The following CCDC146 variants were observed in gnomAD, a reference collection of about 807,000 sequenced individuals.
The protein encoded by CCDC146 is coiled-coil domain containing 146.
A neutral mutation model predicts 119.3 loss-of-function variants in CCDC146; 92 were observed. The ratio of observed to expected loss-of-function variants is 0.77; its 90% CI spans 0.65 to 0.92. The LOEUF (loss-of-function observed/expected upper bound fraction) is 0.92, where lower values mean the gene tolerates loss of function less well. Among genes scored for constraint, CCDC146 ranks in the 40% least tolerant of loss-of-function variants. The pLI, the probability that CCDC146 is intolerant of heterozygous loss-of-function variation, is 0.00. For missense variants in CCDC146, 1,000 were observed against 1,103.0 expected, an observed-to-expected ratio of 0.91 and a Z score of 1.32; for synonymous variants, 372 against 371.8, an observed-to-expected ratio of 1.00 and a Z score of -0.01.
intron 4 of CCDC146, among the ~76,000 whole-genome samples, chr7:77,248,716 G>A (rs889761838): frequency 2.6e-5 from 4 of 152,076 alleles, no homozygotes; most frequent in African/African-American, 4.8e-5. Flanking sequence ...TTCAAAATAC[G>A]GTTATTGGAA....
intron 2 of CCDC146, among the ~76,000 whole-genome samples, chr7:77,175,516 A>G (rs990561905): frequency 2.0e-5 from 3 of 150,956 alleles, no homozygotes; most frequent in South Asian, 2.1e-4. Context: ...ATGAAGATGG[A>G]TTAAGTTTGT....
Position 77,196,601 on chromosome 7 carries a change from C to T in CCDC146, c.156+28777C>T, listed in dbSNP as rs766228164. On this transcript the variant is annotated intron_variant, in intron 2 of 18. Transcript: ENST00000285871. This position sits in a 1 kb window ranked among gnomAD's most constrained non-coding sequence, Gnocchi z 4.2. ...ATCTCCAGCTGTGCCATTATAGTTACCAACGTGTAAACGATATTTGAGAAA... is the reference window on the plus strand; with the variant it reads ...ATCTCCAGCTGTGCCATTATAGTTATCAACGTGTAAACGATATTTGAGAAA... 1.2e-6 allele frequency: 2 copies of T among 1,614,134 alleles called. No homozygotes were observed. Among genetic ancestry groups the T allele is most frequent in the East Asian group, 4.5e-5 (2 of 44,880 alleles).
Position 77,278,839 on chromosome 7 carries a change from A to T in CCDC146, c.1528A>T (p.Arg510Ter), listed in dbSNP as rs568124188. Residue 510 changes from arginine to a stop codon, truncating the protein, a stop_gained and splice_region_variant, in exon 12 of 19, where the codon AGA (arginine) becomes TGA (stop). Transcript: ENST00000285871. LOFTEE classifies it high-confidence loss of function. ...HKKKKCEIYR[R>*]LREFAKLYDT... Reference sequence around the variant, plus strand: ...GAAGAAAAAATGTGAAATTTATCGGAGGTAAAGTAATTATGTGGTGTTTTA... The same window carrying T: ...GAAGAAAAAATGTGAAATTTATCGGTGGTAAAGTAATTATGTGGTGTTTTA... 1.2e-5 allele frequency: 20 copies of T among 1,609,374 alleles called. 1 individual carries two copies. The South Asian group carries it at 2.2e-4, about 18-fold the overall frequency.
chr7:77,134,420 A>T lies in CCDC146; in HGVS notation c.-12+11688A>T, dbSNP rs553689560. On this transcript the variant is annotated intron_variant, in intron 1 of 18. Transcript: ENST00000285871. ...AGAACAGCAAGGGCAATCAATAAAA[A>T]ATAGTAACAAATATGATGGATATTA... Among the ~76,000 whole-genome samples, 135 of 152,372 alleles carry T rather than the reference A, an allele frequency of 8.9e-4. 1 individual carries two copies. Among genetic ancestry groups the T allele is most frequent in the African/African-American group, 3.1e-3 (128 of 41,586 alleles).
chr7:77,159,657 T>G (rs1469462181), intron 1 of CCDC146, among the ~76,000 whole-genome samples: 1 of 152,188 alleles, frequency 6.6e-6, no homozygotes, highest in Non-Finnish European at 1.5e-5. Flanking sequence ...ACCAGAAGAA[T>G]TGCTGGATAA....
Position 77,293,079 on chromosome 7 carries a change from T to A in CCDC146, c.2543T>A (p.Ile848Asn), listed in dbSNP as rs1176637940. 6.2e-7 allele frequency: 1 copy of A among 1,614,062 alleles called. No homozygotes were observed. The highest frequency in any genetic ancestry group is 1.3e-5 in the African/African-American group (1 of 74,922). Reference protein sequence around the residue: ...QKEVREKEDFIFTCNSRIEKG... With the variant: ...QKEVREKEDFNFTCNSRIEKG... ...GAAGTCAGGGAGAAAGAAGACTTCATCTTCACTTGCAATTCCAGGATAGAA... is the reference window on the plus strand; with the variant it reads ...GAAGTCAGGGAGAAAGAAGACTTCAACTTCACTTGCAATTCCAGGATAGAA... The change falls in exon 18 of 19, where the codon ATC (isoleucine) becomes AAC (asparagine). Residue 848 changes from isoleucine to asparagine, a missense_variant. This residue lies in a region of CCDC146 where 985 missense variants were observed against 1,045.3 expected (regional missense o/e 0.94). Coordinates refer to ENST00000285871, the MANE Select transcript of CCDC146 (RefSeq NM_020879.3).
At chr7:77,234,120 A>G (rs1269439035) in intron 2 of CCDC146, among the ~76,000 whole-genome samples, 3 of 152,164 alleles carry the variant, frequency 2.0e-5, no homozygotes, top group African/African-American at 7.2e-5. Flanking sequence ...ATGGCTGGTT[A>G]GCTAGTTACT....
intron 2 of CCDC146, among the ~76,000 whole-genome samples, chr7:77,226,673 A>C (rs1296742772): frequency 6.6e-6 from 1 of 152,360 alleles, no homozygotes; most frequent in African/African-American, 2.4e-5. Flanking sequence ...TTATGACATT[A>C]TATCTAACCT....
At chr7:77,285,696 G>A (rs906806104) in intron 15 of CCDC146, among the ~76,000 whole-genome samples, 5 of 152,084 alleles carry the variant, frequency 3.3e-5, no homozygotes, top group African/African-American at 4.8e-5. Context: ...ACCATGCTCC[G>A]TATCTCTCTC....
rs570186577 is a variant in CCDC146 at position 77,260,917 on chromosome 7, C to T, written c.986+681C>T. Among the ~76,000 whole-genome samples the T allele has an allele frequency of 1.7e-4, 26 of 152,232 alleles. No individual in the cohort carries two copies. In the East Asian group the frequency reaches 3.7e-3, roughly 21 times the overall value. On this transcript the variant is annotated intron_variant, in intron 8 of 18. Coordinates refer to ENST00000285871, the MANE Select transcript of CCDC146 (RefSeq NM_020879.3). Reference sequence around the variant, plus strand: ...TGCTGGGATTACAGGCATGAGCCACCGCGCCCAGCCTATGTCCTGCTTTTA... The same window carrying T: ...TGCTGGGATTACAGGCATGAGCCACTGCGCCCAGCCTATGTCCTGCTTTTA...
intron 4 of CCDC146, among the ~76,000 whole-genome samples, chr7:77,243,204 GA>G (rs1246905467): frequency 1.3e-5 from 2 of 152,072 alleles, no homozygotes; most frequent in Non-Finnish European, 2.9e-5. Flanking sequence ...CCTGCCAAGA[GA>G]AAAAAACAAA....
intron 4 of CCDC146, among the ~76,000 whole-genome samples, chr7:77,244,923 C>G (rs949122877): frequency 6.6e-6 from 1 of 152,218 alleles, no homozygotes; most frequent in African/African-American, 2.4e-5. Context: ...ACAACAAACT[C>G]TTATTGAGTT....
At chr7:77,237,627 C>T (rs1005627894) in intron 3 of CCDC146, among the ~76,000 whole-genome samples, 2 of 150,684 alleles carry the variant, frequency 1.3e-5, no homozygotes, top group African/African-American at 4.9e-5. Context: ...GATTCTCCAA[C>T]AACCCCAGCT....
At chr7:77,160,774 C>G (rs1791248873) in intron 1 of CCDC146, among the ~76,000 whole-genome samples, 1 of 151,910 alleles carries the variant, frequency 6.6e-6, no homozygotes, top group Non-Finnish European at 1.5e-5. Flanking sequence ...CTTCTCCTGC[C>G]TAATTGCCAA....
intron 2 of CCDC146, among the ~76,000 whole-genome samples, chr7:77,197,745 A>G (rs1280531926): frequency 6.6e-6 from 1 of 152,232 alleles, no homozygotes; most frequent in African/African-American, 2.4e-5. Context: ...AAAAAGAAGT[A>G]TCTTTTTCAA....
chr7:77,162,521 A>G (rs1423254851), intron 1 of CCDC146, among the ~76,000 whole-genome samples: 1 of 152,154 alleles, frequency 6.6e-6, no homozygotes, highest in African/African-American at 2.4e-5. Flanking sequence ...CCAGCACCAT[A>G]CTGTTTTGAT....
chr7:77,140,558 T>G (rs1212250912), intron 1 of CCDC146, among the ~76,000 whole-genome samples: 1 of 152,158 alleles, frequency 6.6e-6, no homozygotes, highest in African/African-American at 2.4e-5. Context: ...TAACTTCTTT[T>G]AAGGCCACTA....
chr7:77,278,898 C>A, intron 12 of CCDC146, 39 bp from the exon 13 acceptor site: 1 of 1,597,644 alleles, frequency 6.3e-7, no homozygotes, highest in South Asian at 1.1e-5. Context: ...ACCTGATGTT[C>A]ATTTCATAAG....
rs149097836 is a variant in CCDC146 at position 77,209,623 on chromosome 7, T to A, written c.157-27324T>A. On this transcript the variant is annotated intron_variant, in intron 2 of 18. Coordinates refer to ENST00000285871, the MANE Select transcript of CCDC146 (RefSeq NM_020879.3). ...CTGTGTGGAGGTTCCAACCCTACAT[T>A]TTTGCCCTGAACTGCCATAGTAGAG... Among the ~76,000 whole-genome samples, 1,127 of 152,310 alleles carry A rather than the reference T, an allele frequency of 7.4e-3. 13 individuals carry two copies. Among genetic ancestry groups the A allele is most frequent in the African/African-American group, 0.026 (1,065 of 41,554 alleles).
Sources: gnomAD v4.1 joint callset for allele counts (sites outside exome capture counted in the v4.1 genomes callset) on GRCh38, gnomAD v4.1.1 for gene constraint, gnomAD v4.1.1 regional missense constraint, Gnocchi (gnomAD v3.1) non-coding constraint, MANE v1.5 for transcripts, NCBI Gene and HGNC (gene_info 2026-07-23, HGNC 2026-07-21) for gene names.